Variants in OXSR1 observed in about 807,000 individuals in gnomAD.
OXSR1 encodes oxidative stress responsive kinase 1, also known as serine/threonine-protein kinase OSR1.
A neutral mutation model predicts 79.8 loss-of-function variants in OXSR1; 24 were observed. That is an observed-to-expected ratio of 0.30 (90% CI 0.22 to 0.42). OXSR1 has a LOEUF of 0.42. Ranked by LOEUF, OXSR1 falls within the 10% of genes least tolerant of loss-of-function variation. The pLI is 1.00. For missense variants in OXSR1, 430 were observed against 618.4 expected, an observed-to-expected ratio of 0.70 and a Z score of 3.23; for synonymous variants, 226 against 209.2, an observed-to-expected ratio of 1.08 and a Z score of -0.69.
rs1443463121 is a variant in OXSR1, at chr3:38,254,296, A to C, written c.*1405A>C. On this transcript the variant is annotated 3_prime_UTR_variant, in exon 18 of 18. Coordinates refer to ENST00000311806, the MANE Select transcript of OXSR1 (RefSeq NM_005109.3). ...GTTTTACCTTATTTTCTCTTGGAAC[A>C]TATCTGAAAACCTTCCCCACAAATA... The C allele has an allele frequency of 2.5e-6, 1 of 398,462 alleles. No individual in the cohort carries two copies. Among genetic ancestry groups the C allele is most frequent in the Non-Finnish European group, 4.4e-6 (1 of 225,818 alleles). The allele number at this position is 398,462 out of a possible 1,614,324, so 24.7% of individuals were successfully genotyped here.
chr3:38,167,280 G>A (rs932499089), intron 1 of OXSR1, among the ~76,000 whole-genome samples: 12 of 152,254 alleles, frequency 7.9e-5, no homozygotes, highest in African/African-American at 2.9e-4. Flanking sequence ...TCTCACAGAA[G>A]CCTAGGGATT....
intron 1 of OXSR1, among the ~76,000 whole-genome samples, chr3:38,179,530 T>G (rs928628742): frequency 2.6e-5 from 4 of 152,190 alleles, no homozygotes; most frequent in Non-Finnish European, 5.9e-5. Flanking sequence ...AGTGTACAAT[T>G]CAGCATACTT....
At chr3:38,226,816 G>C (rs1365792062) in intron 8 of OXSR1, among the ~76,000 whole-genome samples, 2 of 151,710 alleles carry the variant, frequency 1.3e-5, no homozygotes, top group Non-Finnish European at 2.9e-5. Context: ...AAGACGGAAA[G>C]CAAGAGTATC....
At chr3:38,193,513 C>A in intron 3 of OXSR1, 1 of 700,134 alleles carries the variant, frequency 1.4e-6, no homozygotes, top group Non-Finnish European at 2.1e-6. Flanking sequence ...TAATGTTTTG[C>A]AAAAAAGTCC....
At chr3:38,210,478 G>T (rs1702363142) in intron 4 of OXSR1, among the ~76,000 whole-genome samples, 1 of 152,106 alleles carries the variant, frequency 6.6e-6, no homozygotes, top group Non-Finnish European at 1.5e-5. Flanking sequence ...GAAATTAGGG[G>T]AATTTTCTCC....
At chr3:38,228,177 A>G (rs1559521152) in intron 8 of OXSR1, among the ~76,000 whole-genome samples, 1 of 152,180 alleles carries the variant, frequency 6.6e-6, no homozygotes, top group South Asian at 2.1e-4. Flanking sequence ...ACTATCATTC[A>G]AGAATGAGCA....
chr3:38,224,410 G>A (rs1702647547), intron 7 of OXSR1, among the ~76,000 whole-genome samples, 161 bp from the exon 8 acceptor site: 2 of 152,178 alleles, frequency 1.3e-5, no homozygotes, highest in Admixed American at 6.5e-5. Flanking sequence ...TGAAATACAC[G>A]TAATAACTCT....
chr3:38,214,671 A>G (rs954981061), intron 4 of OXSR1, among the ~76,000 whole-genome samples: 1 of 152,252 alleles, frequency 6.6e-6, no homozygotes, highest in South Asian at 2.1e-4. Flanking sequence ...CCTGCACTCT[A>G]CTAAGTCAGC....
chr3:38,224,454 C>A, intron 7 of OXSR1, 117 bp from the exon 8 acceptor site: 2 of 735,266 alleles, frequency 2.7e-6, no homozygotes, highest in Non-Finnish European at 4.5e-6. Context: ...TATGAACTTA[C>A]AGAAAATAAA....
intron 8 of OXSR1, among the ~76,000 whole-genome samples, chr3:38,226,632 A>C (rs940146637): frequency 6.6e-6 from 1 of 152,128 alleles, no homozygotes. Context: ...GGGCATATAT[A>C]TAACCTGTGA....
chr3:38,197,933 A>G (rs1292514275), intron 3 of OXSR1, among the ~76,000 whole-genome samples: 2 of 152,154 alleles, frequency 1.3e-5, no homozygotes, highest in Non-Finnish European at 1.5e-5. Context: ...ACAGTTGCTA[A>G]TATTGTTTTG....
At chr3:38,215,995 A>C in intron 4 of OXSR1, 101 bp from the exon 5 acceptor site, 1 of 716,638 alleles carries the variant, frequency 1.4e-6, no homozygotes, top group Non-Finnish European at 2.4e-6. Context: ...GGACATTTAA[A>C]TATTGCTAGT....
At chr3:38,235,573 A>G (rs1231424228) in intron 10 of OXSR1, among the ~76,000 whole-genome samples, 4 of 152,176 alleles carry the variant, frequency 2.6e-5, no homozygotes, top group Non-Finnish European at 5.9e-5. Context: ...ACAATTAATG[A>G]AAATAGACTA....
Position 38,190,970 on chromosome 3 carries a change from C to T in OXSR1, c.292+131C>T, listed in dbSNP as rs1701971091. The T allele has an allele frequency of 4.6e-6, 3 of 653,878 alleles. No individual in the cohort carries two copies. In the South Asian group the frequency reaches 5.3e-5, roughly 12 times the overall value. 40.5% of individuals were successfully genotyped at this position (653,878 alleles called of 1,614,324 possible). ...GGAGATACTGAAAATATAGTATTTG[C>T]TGAAGATGCTAATCTATGAGCCAAG... On this transcript the variant is annotated intron_variant, in intron 3 of 17. Transcript: ENST00000311806.
chr3:38,196,812 G>T (rs1702079704), intron 3 of OXSR1, among the ~76,000 whole-genome samples: 2 of 152,146 alleles, frequency 1.3e-5, no homozygotes, highest in Admixed American at 6.5e-5. Flanking sequence ...ATATTTGGTG[G>T]CACCCAGTCT....
chr3:38,189,147 T>C (rs1701938742), intron 2 of OXSR1, among the ~76,000 whole-genome samples: 1 of 152,216 alleles, frequency 6.6e-6, no homozygotes, highest in South Asian at 2.1e-4. Flanking sequence ...GAATTAAACA[T>C]GGTTCCCACC....
chr3:38,237,284 A>G (rs545152507), intron 11 of OXSR1, among the ~76,000 whole-genome samples: 49 of 152,324 alleles, frequency 3.2e-4, no homozygotes, highest in Admixed American at 5.2e-4. Flanking sequence ...AGGCCCAGCA[A>G]TGGAAGCTTT....
intron 4 of OXSR1, among the ~76,000 whole-genome samples, chr3:38,199,258 A>AT (rs1346139382): frequency 6.6e-6 from 1 of 151,718 alleles, no homozygotes; most frequent in Non-Finnish European, 1.5e-5. Flanking sequence ...CATTTTTAAA[A>AT]TTATAGCCTT....
At chr3:38,215,401 A>G (rs557300443) in intron 4 of OXSR1, among the ~76,000 whole-genome samples, 2 of 152,248 alleles carry the variant, frequency 1.3e-5, no homozygotes, top group African/African-American at 4.8e-5. Flanking sequence ...TACTCTTAGG[A>G]TTTGGGGATT....
Sources: allele counts gnomAD v4.1 joint callset (sites outside exome capture counted in the v4.1 genomes callset), GRCh38; gene constraint gnomAD v4.1.1; transcripts MANE v1.5; gene names NCBI Gene and HGNC (gene_info 2026-07-23, HGNC 2026-07-21).